HEATR1: variants seen among roughly 807,000 people sequenced by gnomAD.
HEATR1 encodes the protein HEAT repeat-containing protein 1.
In HEATR1, 77 loss-of-function variants were observed where a neutral mutation model predicts 248.2. That is an observed-to-expected ratio of 0.31 (90% confidence interval 0.26 to 0.37). HEATR1 has a LOEUF of 0.37. Ranked by LOEUF, HEATR1 falls within the 10% of genes least tolerant of loss-of-function variation. The pLI is 1.00. For synonymous variants in HEATR1, 897 were observed against 923.1 expected (o/e 0.97, Z 0.51); for missense variants, 2,420 against 2,504.9 (o/e 0.97, Z 0.72).
chr1:236,583,788 A>G (rs1003640958), intron 17 of HEATR1, among the ~76,000 whole-genome samples: 5 of 152,130 alleles, frequency 3.3e-5, no homozygotes, highest in African/African-American at 7.2e-5. Flanking sequence ...TGCCTGGCCA[A>G]AATAGGTATA....
In HEATR1 at chr1:236,558,980, T is replaced by C; in HGVS notation, c.4911+15A>G. 1.9e-6 allele frequency: 3 copies of C among 1,591,496 alleles called. No homozygotes were observed. The highest frequency in any genetic ancestry group is 1.7e-6 in the Non-Finnish European group (2 of 1,171,088). ...CAAAGTACAGTAAATGGGTGTGTCC[T>C]GGGTCTTCACTCACTATTGTCTTCT... On this transcript the variant is annotated intron_variant, in intron 35 of 44. Transcript: ENST00000366582.
Position 236,574,911 on chromosome 1 carries a change from T to G in HEATR1, c.3085-8A>C, listed in dbSNP as rs1558184448. On this transcript the variant is annotated splice_polypyrimidine_tract_variant and splice_region_variant and intron_variant, in intron 22 of 44. Coordinates refer to ENST00000366582, the MANE Select transcript of HEATR1 (RefSeq NM_018072.6). Reference sequence around the variant, plus strand: ...TAGCTGAGAAAGCACCATCTAAAGATCCAAAGACTTAGTAGTAAATAGTTA... The same window carrying G: ...TAGCTGAGAAAGCACCATCTAAAGAGCCAAAGACTTAGTAGTAAATAGTTA... 6.2e-7 allele frequency: 1 copy of G among 1,611,400 alleles called. No individual in the cohort carries two copies. Among genetic ancestry groups the G allele is most frequent in the Admixed American group, 1.7e-5 (1 of 59,576 alleles).
rs753588336 is a variant in HEATR1, at chr1:236,555,872, G to A, written c.5582C>T (p.Thr1861Ile). ...HIGVMKKEEL[T>I]SHQSQLTAFF... ...GGCGGTTAGCTGAGACTGATGGGAG[G>A]TGAGCTCTTCCTTCTTCATCACCCC... Residue 1861 changes from threonine (T) to isoleucine (I), a missense_variant, in exon 39 of 45, where the codon ACC (threonine) becomes ATC (isoleucine). Transcript: ENST00000366582. 7.4e-6 allele frequency: 12 copies of A among 1,613,734 alleles called. No individual in the cohort carries two copies. Among genetic ancestry groups the A allele is most frequent in the Non-Finnish European group, 9.3e-6 (11 of 1,179,602 alleles).
At position 236,559,135 on chromosome 1, in the gene HEATR1, C is replaced by A; in HGVS notation, c.4771G>T (p.Val1591Phe). Residue 1591 changes from valine (V) to phenylalanine (F), a missense_variant and splice_region_variant, in exon 35 of 45, where the codon GTC becomes TTC. Val to Phe is a conservative substitution (Grantham distance 50, BLOSUM62 -1). Coordinates refer to ENST00000366582, the MANE Select transcript of HEATR1 (RefSeq NM_018072.6). ...LSKAYDLLDK[V>F]NALLPTETFI... Reference sequence around the variant, plus strand: ...GTCTCTGTGGGCAGCAAGGCATTGACCTAAAGAGAAATTTTATATTTAACA... The same window carrying A: ...GTCTCTGTGGGCAGCAAGGCATTGAACTAAAGAGAAATTTTATATTTAACA... 2 of 1,549,482 alleles carry A rather than the reference C, an allele frequency of 1.3e-6. No individual in the cohort carries two copies. Among genetic ancestry groups the A allele is most frequent in the Non-Finnish European group, 8.7e-7 (1 of 1,155,140 alleles).
In HEATR1 at chr1:236,550,371, C is replaced by G. The variant is rs1662671974; in HGVS notation, c.*531G>C. ...AAAAAAGCATTCCAGAACCACTTCT[C>G]TTTATGGGCACAACAAAGAAACGAA... On this transcript the variant is annotated 3_prime_UTR_variant, in exon 45 of 45. Coordinates refer to ENST00000366582, the MANE Select transcript of HEATR1 (RefSeq NM_018072.6). The G allele has an allele frequency of 6.6e-6, 1 of 152,294 alleles. No homozygotes were observed. The highest frequency in any genetic ancestry group is 1.5e-5 in the Non-Finnish European group (1 of 68,102). The allele number at this position is 152,294 out of a possible 1,614,324, so 9.4% of individuals were successfully genotyped here. A position where few individuals can be genotyped will look rare whatever the true frequency, so the allele number is the denominator to read the frequency against.
At chr1:236,563,470 G>C (rs1270271340) in intron 32 of HEATR1, among the ~76,000 whole-genome samples, 1 of 151,836 alleles carries the variant, frequency 6.6e-6, no homozygotes, top group African/African-American at 2.4e-5. Context: ...TTTTAGTAGA[G>C]ACCATGTTAG....
At chr1:236,602,922 C>CA (rs948208586) in intron 3 of HEATR1, 951 of 419,306 alleles carry the variant, frequency 2.3e-3, no homozygotes, top group South Asian at 2.7e-3. Flanking sequence ...GACTCTATCT[C>CA]AAAAAAAAAC....
In HEATR1 at chr1:236,604,018, A is replaced by G; in HGVS notation, c.78T>C (p.Val26=). 6.3e-7 allele frequency: 1 copy of G among 1,599,272 alleles called. No homozygotes were observed. The highest frequency in any genetic ancestry group is 2.3e-5 in the East Asian group (1 of 43,700). ...SDASLLSRDE[V]ASLLFDPKEA... is the part of the protein sequence containing the mutation. ...CCTTAGGGTCAAATAACAAAGAAGC[A>G]ACTTCATCTCTAGATAAGAGGCTGG... is the stretch of plus-strand genomic sequence containing the variant. Residue 26 remains valine, a synonymous_variant, in exon 2 of 45, where the codon GTT becomes GTC. Coordinates refer to ENST00000366582, the MANE Select transcript of HEATR1 (RefSeq NM_018072.6).
At chr1:236,556,546 G>C (rs1662984294) in intron 37 of HEATR1, among the ~76,000 whole-genome samples, 2 of 152,204 alleles carry the variant, frequency 1.3e-5, no homozygotes, top group African/African-American at 4.8e-5. Flanking sequence ...AGGGACCACG[G>C]CAAGAGTCAA....
At chr1:236,572,627 A>C (rs998099531) in intron 25 of HEATR1, 73 bp from the exon 26 acceptor site, 4 of 1,602,952 alleles carry the variant, frequency 2.5e-6, no homozygotes, top group Non-Finnish European at 3.4e-6. Flanking sequence ...ATTGTGCCTG[A>C]TTATAGCAAA....
chr1:236,586,662 A>C (rs1663893527), intron 14 of HEATR1, among the ~76,000 whole-genome samples: 2 of 152,084 alleles, frequency 1.3e-5, no homozygotes, highest in Non-Finnish European at 2.9e-5. Flanking sequence ...TTTTTGTACA[A>C]GTGCTGGGAT....
chr1:236,570,384 C>T (rs187130150), intron 28 of HEATR1, among the ~76,000 whole-genome samples: 8 of 152,144 alleles, frequency 5.3e-5, no homozygotes, highest in Admixed American at 3.3e-4. Flanking sequence ...TATGACATGT[C>T]CAGCATAGGC....
At chr1:236,578,206 T>C (rs1558185690) in intron 20 of HEATR1, among the ~76,000 whole-genome samples, 1 of 152,346 alleles carries the variant, frequency 6.6e-6, no homozygotes, top group East Asian at 1.9e-4. Context: ...GAAATTTCTA[T>C]CTAAGGAATG....
chr1:236,595,600 T>A lies in HEATR1; in HGVS notation c.1030A>T (p.Ser344Cys). 18 of 1,608,434 alleles carry A rather than the reference T, an allele frequency of 1.1e-5. No individual in the cohort carries two copies. Among genetic ancestry groups the A allele is most frequent in the Non-Finnish European group, 1.4e-5 (16 of 1,174,764 alleles). The part of the protein sequence containing the change: ...LHGISETYDV[S>C]PLLHYMLPHL... ...GGAAGCATGTAATGCAGAAGAGGAC[T>A]GACATCGTAAGTTTCAGAAATCCCA... The change falls in exon 8 of 45, where the codon AGT becomes TGT. Residue 344 changes from serine (S) to cysteine (C), a missense_variant. Physicochemically the swap from Ser to Cys is moderately radical, Grantham distance 112. Transcript: ENST00000366582.
At chr1:236,586,148 A>G in intron 15 of HEATR1, 93 bp downstream of exon 15, 2 of 1,160,510 alleles carry the variant, frequency 1.7e-6, no homozygotes, top group Non-Finnish European at 1.2e-6. Flanking sequence ...CCTTACTGGC[A>G]TATAAGCATG....
chr1:236,594,851 G>C (rs976777900), intron 8 of HEATR1, among the ~76,000 whole-genome samples: 1 of 152,098 alleles, frequency 6.6e-6, no homozygotes, highest in Non-Finnish European at 1.5e-5. Context: ...AGGCTGAACT[G>C]CAGTGGCACA....
At chr1:236,589,057 G>A (rs1663963878) in intron 12 of HEATR1, among the ~76,000 whole-genome samples, 1 of 152,210 alleles carries the variant, frequency 6.6e-6, no homozygotes, top group Non-Finnish European at 1.5e-5. Flanking sequence ...GGTATGCAAA[G>A]GAGGACATCA....
intron 5 of HEATR1, among the ~76,000 whole-genome samples, chr1:236,597,320 T>C (rs1052710374): frequency 1.9e-4 from 29 of 151,342 alleles, no homozygotes; most frequent in Admixed American, 1.3e-3. Flanking sequence ...TGGCATGATC[T>C]TGGGTCACTG....
intron 35 of HEATR1, 42 bp from the exon 36 acceptor site, chr1:236,558,571 A>C: frequency 6.4e-7 from 1 of 1,557,042 alleles, no homozygotes; most frequent in Non-Finnish European, 8.7e-7. Context: ...TAAAGCTGCA[A>C]AAAATGTTTG....
Sources: allele counts gnomAD v4.1 joint callset (sites outside exome capture counted in the v4.1 genomes callset), GRCh38; gene constraint gnomAD v4.1.1; transcripts MANE v1.5; gene names NCBI Gene and HGNC (gene_info 2026-07-23, HGNC 2026-07-21).